Variants in EPB41 observed in about 807,000 individuals in gnomAD.
EPB41 encodes protein 4.1.
In EPB41, 65 loss-of-function variants were observed where a neutral mutation model predicts 108.0. That is an observed-to-expected ratio of 0.60 (90% CI 0.49 to 0.74). The LOEUF is 0.74. Among genes scored for constraint, EPB41 ranks in the 30% least tolerant of loss-of-function variants. The pLI is 0.00. For missense variants in EPB41, 875 were observed against 1,037.0 expected (o/e 0.84, Z 2.15); for synonymous variants, 336 against 358.9 (o/e 0.94, Z 0.72).
chr1:28,962,607 TCTA>T (rs2095251332), intron 1 of EPB41, among the ~76,000 whole-genome samples: 2 of 152,162 alleles, frequency 1.3e-5, no homozygotes, highest in African/African-American at 2.4e-5. Context: ...GCAACTCTAA[TCTA>T]CTTTCTGTCT....
chr1:29,110,230 G>A (rs2493843), intron 18 of EPB41, among the ~76,000 whole-genome samples: 125,206 of 151,772 alleles, frequency 0.82, 52,117 homozygotes, highest in Middle Eastern at 0.89. Flanking sequence ...CTGTGGTCCC[G>A]GCTACTTGGG....
intron 8 of EPB41, chr1:29,031,710 C>T (rs1242986502): frequency 6.6e-6 from 1 of 152,152 alleles, no homozygotes; most frequent in Non-Finnish European, 1.5e-5. Flanking sequence ...GAAACTTGAG[C>T]TTTAATCCTA....
At chr1:28,948,388 A>G (rs746891334) in intron 1 of EPB41, among the ~76,000 whole-genome samples, 3 of 151,874 alleles carry the variant, frequency 2.0e-5, no homozygotes, top group Non-Finnish European at 4.4e-5. Context: ...GGGCCCTTGT[A>G]GTCCCAGCTA....
At chr1:28,947,646 A>G (rs1571183641) in intron 1 of EPB41, among the ~76,000 whole-genome samples, 1 of 151,182 alleles carries the variant, frequency 6.6e-6, no homozygotes, top group East Asian at 2.0e-4. Flanking sequence ...GGCCAACATG[A>G]TGAAACCTGT....
At chr1:28,968,534 G>C (rs764485193) in intron 1 of EPB41, among the ~76,000 whole-genome samples, 66 of 152,136 alleles carry the variant, frequency 4.3e-4, no homozygotes, top group Non-Finnish European at 7.2e-4. Flanking sequence ...TGATTGTATA[G>C]AGAATATTCC....
intron 16 of EPB41, among the ~76,000 whole-genome samples, chr1:29,068,528 T>C (rs1180880988): frequency 6.6e-6 from 1 of 152,212 alleles, no homozygotes; most frequent in Non-Finnish European, 1.5e-5. Flanking sequence ...TCTATGCTAT[T>C]ACCCCTGTAA....
chr1:29,047,423 T>C (rs71586884), intron 11 of EPB41, among the ~76,000 whole-genome samples: 13,532 of 150,226 alleles, frequency 0.09, 779 homozygotes, highest in Non-Finnish European at 0.14. Context: ...CTAATTTTTT[T>C]TTTTTTTTTT....
At chr1:28,942,523 CA>C (rs2094329257) in intron 1 of EPB41, among the ~76,000 whole-genome samples, 1 of 152,212 alleles carries the variant, frequency 6.6e-6, no homozygotes, top group African/African-American at 2.4e-5. Context: ...TGAAGAAATG[CA>C]TAGGGCAAGG....
Position 28,942,837 on chromosome 1 carries a change from A to G in EPB41, c.-8+28069A>G, listed in dbSNP as rs1219256992. Reference sequence around the variant, plus strand: ...AGGCTATCCTGGAACCCCAGCCATCACTCAATTCATTAGTATTCACAGAGA... The same window carrying G: ...AGGCTATCCTGGAACCCCAGCCATCGCTCAATTCATTAGTATTCACAGAGA... On this transcript the variant is annotated intron_variant, in intron 1 of 20. Coordinates refer to ENST00000343067, the MANE Select transcript of EPB41 (RefSeq NM_001376013.1). Among the ~76,000 whole-genome samples, 10 of 152,142 alleles carry G rather than the reference A, an allele frequency of 6.6e-5. 1 individual carries two copies. The highest frequency in any genetic ancestry group is 6.6e-4 in the Admixed American group (10 of 15,260).
intron 4 of EPB41, among the ~76,000 whole-genome samples, chr1:29,009,139 C>G (rs1021393443): frequency 5.5e-5 from 8 of 146,740 alleles, no homozygotes; most frequent in Non-Finnish European, 1.2e-4. Context: ...AGTTTTTAAT[C>G]CTTCTTTTTT....
chr1:29,042,802 C>G (rs565843240), intron 11 of EPB41, among the ~76,000 whole-genome samples: 1 of 151,662 alleles, frequency 6.6e-6, no homozygotes, highest in African/African-American at 2.4e-5. Flanking sequence ...TTTCTACTCT[C>G]CTGAGGGGCT....
intron 3 of EPB41, among the ~76,000 whole-genome samples, chr1:28,994,008 G>A (rs918026923): frequency 1.3e-5 from 2 of 151,848 alleles, no homozygotes; most frequent in African/African-American, 4.8e-5. Context: ...TTCTGGAGGT[G>A]GGATTATGGG....
chr1:29,080,276 A>G (rs6672239), intron 16 of EPB41, among the ~76,000 whole-genome samples: 3,120 of 151,690 alleles, frequency 0.021, 95 homozygotes, highest in African/African-American at 0.072. Context: ...GAACCACCGC[A>G]CCCGGCTAAT....
upstream of EPB41, among the ~76,000 whole-genome samples, chr1:28,912,517 T>C (rs1338107873): frequency 6.6e-6 from 1 of 152,226 alleles, no homozygotes; most frequent in East Asian, 1.9e-4. Context: ...GTCCACATTT[T>C]AGTCTCTGAA....
chr1:29,035,142 C>T (rs542784299), intron 9 of EPB41, among the ~76,000 whole-genome samples: 12 of 151,780 alleles, frequency 7.9e-5, no homozygotes, highest in South Asian at 4.2e-4. Flanking sequence ...CCACCATGCC[C>T]GGCTAATTTT....
intron 1 of EPB41, among the ~76,000 whole-genome samples, chr1:28,908,222 A>G (rs2091978143): frequency 2.0e-5 from 3 of 150,752 alleles, no homozygotes; most frequent in Admixed American, 2.0e-4. Context: ...GCCAAGATAG[A>G]GAAGCCCCGT....
chr1:29,065,239 A>C, intron 16 of EPB41, 81 bp downstream of exon 16: 4 of 1,449,908 alleles, frequency 2.8e-6, no homozygotes, highest in Non-Finnish European at 3.6e-6. Flanking sequence ...TATCTGAGAG[A>C]AAGCTTAGAG....
intron 16 of EPB41, chr1:29,070,504 T>C (rs1320010030): frequency 1.6e-6 from 2 of 1,232,006 alleles, no homozygotes; most frequent in African/African-American, 3.1e-5. Context: ...ATCACAAGTC[T>C]CTCAAAAAGT....
intron 2 of EPB41, among the ~76,000 whole-genome samples, chr1:28,991,161 C>T (rs1326192733): frequency 1.3e-5 from 2 of 148,932 alleles, no homozygotes; most frequent in East Asian, 1.9e-4. Context: ...TTTTAAAAAG[C>T]GTGTTTGCTT....
Sources: gnomAD v4.1 joint callset for allele counts (sites outside exome capture counted in the v4.1 genomes callset) on GRCh38, gnomAD v4.1.1 for gene constraint, MANE v1.5 for transcripts, NCBI Gene and HGNC (gene_info 2026-07-23, HGNC 2026-07-21) for gene names.